Variants in SLC6A15 observed in about 807,000 individuals in gnomAD.
SLC6A15 encodes sodium-dependent neutral amino acid transporter B(0)AT2.
Under a neutral mutation model 68.5 loss-of-function variants are expected in SLC6A15, and 33 were observed. That is an observed-to-expected ratio of 0.48 (90% confidence interval 0.37 to 0.64). The LOEUF is 0.64. Among genes scored for constraint, SLC6A15 ranks in the 30% least tolerant of loss-of-function variants. The probability of loss-of-function intolerance (pLI) is 0.00; values close to 1 mark genes in which losing one functional copy is unlikely to be tolerated. For synonymous variants in SLC6A15, 347 were observed against 301.0 expected (o/e 1.15, Z -1.58); for missense variants, 747 against 874.3 (o/e 0.85, Z 1.84).
Position 84,907,140 on chromosome 12 carries a change from G to A in SLC6A15, c.-189+5383C>T, listed in dbSNP as rs376407466. On this transcript the variant is annotated intron_variant, in intron 1 of 11. Transcript: ENST00000266682. ...CCAGACGGGTGGATCATGAGGTCAG[G>A]AGATTGAGACCATCCTGGCTAACAC... Among the ~76,000 whole-genome samples, 59 of 152,232 alleles carry A rather than the reference G, an allele frequency of 3.9e-4. 1 individual carries two copies. The highest frequency in any genetic ancestry group is 1.3e-3 in the African/African-American group (52 of 41,556).
chr12:84,905,781 GA>G (rs1483262167), intron 1 of SLC6A15, among the ~76,000 whole-genome samples: 1 of 152,042 alleles, frequency 6.6e-6, no homozygotes, highest in African/African-American at 2.4e-5. Flanking sequence ...CAAGAAACAA[GA>G]AAAGTCAAGT....
rs1438093949 is a variant in SLC6A15 at position 84,872,285 on chromosome 12, G to GA, written c.1302+316dup. 2.6e-5 allele frequency among the ~76,000 whole-genome samples: 4 copies of GA among 152,010 alleles called. No individual in the cohort carries two copies. In the East Asian group the frequency reaches 7.7e-4, roughly 29 times the overall value. Reference sequence around the variant, plus strand: ...AGAGCCATAATTCTAATTCTGTATTGAAAATTATAGCAAGAAAGATTTCAG... The same window carrying GA: ...AGAGCCATAATTCTAATTCTGTATTGAAAAATTATAGCAAGAAAGATTTCAG... On this transcript the variant is annotated intron_variant, in intron 8 of 11. Coordinates refer to ENST00000266682, the MANE Select transcript of SLC6A15 (RefSeq NM_182767.6).
intron 3 of SLC6A15, 29 bp from the exon 4 acceptor site, chr12:84,885,590 C>T: frequency 6.3e-7 from 1 of 1,580,604 alleles, no homozygotes; most frequent in Non-Finnish European, 8.6e-7. Context: ...TCCCATTAAA[C>T]CTCTCATACC....
chr12:84,907,065 C>A (rs186250731), intron 1 of SLC6A15, among the ~76,000 whole-genome samples: 5 of 152,076 alleles, frequency 3.3e-5, no homozygotes, highest in African/African-American at 1.2e-4. Context: ...AAAACTCGAC[C>A]GTTGCCAGGC....
At chr12:84,912,227 G>T (rs80142367) in intron 1 of SLC6A15, among the ~76,000 whole-genome samples, 2 of 152,030 alleles carry the variant, frequency 1.3e-5, no homozygotes, top group Non-Finnish European at 2.9e-5. Flanking sequence ...TTTCCACGAC[G>T]GGAAGAAAGG....
At chr12:84,905,762 C>T (rs1478832852) in intron 1 of SLC6A15, among the ~76,000 whole-genome samples, 3 of 152,136 alleles carry the variant, frequency 2.0e-5, no homozygotes, top group African/African-American at 7.2e-5. Flanking sequence ...CTGTATAAGT[C>T]ACATAAATCA....
intron 5 of SLC6A15, chr12:84,882,688 C>A (rs138424666): frequency 5.8e-6 from 1 of 173,528 alleles, no homozygotes; most frequent in African/African-American, 2.4e-5. Context: ...TTAATAGCCA[C>A]GAAACTTTGG....
At chr12:84,891,338 TA>T (rs1872380936) in intron 2 of SLC6A15, among the ~76,000 whole-genome samples, 2 of 152,314 alleles carry the variant, frequency 1.3e-5, no homozygotes, top group African/African-American at 4.8e-5. Flanking sequence ...TGCTGGGATC[TA>T]AATGTTCTCA....
In SLC6A15 at chr12:84,865,504, T is replaced by C. The variant is rs1417214470; in HGVS notation, c.1655+1530A>G. On this transcript the variant is annotated intron_variant, in intron 10 of 11. Transcript: ENST00000266682. ...CCACAGTTTACACTGGAATTCACTG[T>C]TTGTGTAGTACATTCTCTGGATTTG... is the stretch of plus-strand genomic sequence containing the variant. Among the ~76,000 whole-genome samples the C allele has an allele frequency of 8.5e-5, 13 of 152,204 alleles. 1 individual carries two copies. The highest frequency in any genetic ancestry group is 8.5e-4 in the Admixed American group (13 of 15,282).
intron 10 of SLC6A15, among the ~76,000 whole-genome samples, chr12:84,865,273 A>C (rs1871018674): frequency 6.6e-6 from 1 of 152,220 alleles, no homozygotes; most frequent in Non-Finnish European, 1.5e-5. Flanking sequence ...TTAGTTAACA[A>C]GGAGTATTTT....
intron 2 of SLC6A15, 142 bp downstream of exon 2, chr12:84,891,690 T>G: frequency 1.2e-6 from 1 of 853,994 alleles, no homozygotes; most frequent in Non-Finnish European, 1.8e-6. Context: ...CTGGGCTCAC[T>G]TCCCACAAAG....
intron 2 of SLC6A15, among the ~76,000 whole-genome samples, chr12:84,889,308 G>A (rs1445942860): frequency 4.0e-5 from 6 of 151,522 alleles, no homozygotes; most frequent in African/African-American, 1.5e-4. Context: ...GGCTAACACG[G>A]TGAAACCCTG....
chr12:84,895,339 ATTTTTTTTT>A (rs67339994), intron 1 of SLC6A15, among the ~76,000 whole-genome samples: 24 of 54,786 alleles, frequency 4.4e-4, no homozygotes, highest in Middle Eastern at 0.019. Context: ...TTTTGTTTGT[ATTTTTTTTT>A]TTTTTTTTTT....
At chr12:84,894,553 GA>G (rs1371421882) in intron 1 of SLC6A15, among the ~76,000 whole-genome samples, 2 of 151,836 alleles carry the variant, frequency 1.3e-5, no homozygotes, top group East Asian at 1.9e-4. Context: ...ATTTTACAAA[GA>G]AAAAAAATTT....
chr12:84,872,798 A>C lies in SLC6A15; in HGVS notation c.1110-4T>G. 1 of 1,596,818 alleles carries C rather than the reference A, an allele frequency of 6.3e-7. No homozygotes were observed. On this transcript the variant is annotated splice_polypyrimidine_tract_variant and splice_region_variant and intron_variant, in intron 7 of 11. Coordinates refer to ENST00000266682, the MANE Select transcript of SLC6A15 (RefSeq NM_182767.6). ...TTTCATGATCGTCTCTGAATTTCTG[A>C]AAAATAAAACAACATACAAATGAGC...
intron 5 of SLC6A15, among the ~76,000 whole-genome samples, chr12:84,877,808 C>T (rs1365767623): frequency 6.6e-6 from 1 of 152,074 alleles, no homozygotes; most frequent in Non-Finnish European, 1.5e-5. Flanking sequence ...GCACTTAGCA[C>T]TTTTCAAATT....
chr12:84,882,070 C>T, intron 5 of SLC6A15: 1 of 985,274 alleles, frequency 1.0e-6, no homozygotes, highest in Non-Finnish European at 1.2e-6. Flanking sequence ...CCCCAAGATT[C>T]TGTGATAAGA....
At chr12:84,902,400 T>C (rs961416418) in intron 1 of SLC6A15, among the ~76,000 whole-genome samples, 2 of 152,040 alleles carry the variant, frequency 1.3e-5, no homozygotes, top group African/African-American at 4.8e-5. Context: ...AATCACATGT[T>C]GCTGGTGGAA....
chr12:84,864,093 C>G (rs1052910442), intron 10 of SLC6A15, among the ~76,000 whole-genome samples: 2 of 150,794 alleles, frequency 1.3e-5, no homozygotes, highest in South Asian at 4.2e-4. Flanking sequence ...CTAATTACTA[C>G]TTTTCCTAAT....
Sources: gnomAD v4.1 joint callset for allele counts (sites outside exome capture counted in the v4.1 genomes callset) on GRCh38, gnomAD v4.1.1 for gene constraint, MANE v1.5 for transcripts, NCBI Gene and HGNC (gene_info 2026-07-23, HGNC 2026-07-21) for gene names.